NCALD: variants seen among roughly 807,000 people sequenced by gnomAD.
The protein encoded by NCALD is neurocalcin delta.
In NCALD, 10 loss-of-function variants were observed where a neutral mutation model predicts 18.6. The observed-to-expected ratio is 0.54, with a 90% CI of 0.33 to 0.91. The LOEUF (loss-of-function observed/expected upper bound fraction) is 0.91, where lower values mean the gene tolerates loss of function less well. NCALD is among the 40% of genes least tolerant of loss of function. The pLI is 0.03. For synonymous variants in NCALD, 88 were observed against 87.4 expected, an observed-to-expected ratio of 1.01 and a Z score of -0.04; for missense variants, 184 against 247.6, an observed-to-expected ratio of 0.74 and a Z score of 1.72.
chr8:101,753,690 C>T (rs1435037526), intron 1 of NCALD, among the ~76,000 whole-genome samples: 3 of 152,080 alleles, frequency 2.0e-5, no homozygotes, highest in African/African-American at 7.2e-5. Flanking sequence ...TCTTAAGACA[C>T]AAGGAAGGGA....
At chr8:101,695,957 T>C (rs1814969243) in intron 2 of NCALD, among the ~76,000 whole-genome samples, 1 of 152,200 alleles carries the variant, frequency 6.6e-6, no homozygotes, top group Non-Finnish European at 1.5e-5. Context: ...TTTATCCTTT[T>C]ATATGTTTTT....
At chr8:101,951,766 A>T (rs1364932951) in intron 2 of NCALD, among the ~76,000 whole-genome samples, 2 of 152,140 alleles carry the variant, frequency 1.3e-5, no homozygotes, top group Admixed American at 1.3e-4. Context: ...TCCACGATGG[A>T]TATCCATCCT....
rs1327622633 is a variant in NCALD, at chr8:102,001,715, C to A, written c.-157+18522G>T. ...CTACAAGCCAGAAGAGAGTGGGGGT[C>A]AATATTCGACATTCTTAAAGAAAAG... is the stretch of plus-strand genomic sequence containing the variant. On this transcript the variant is annotated intron_variant, in intron 2 of 6. Coordinates refer to the NCALD transcript ENST00000311028. Among the ~76,000 whole-genome samples, 5 of 152,132 alleles carry A rather than the reference C, an allele frequency of 3.3e-5. No homozygotes were observed. The East Asian group carries it at 7.7e-4, about 23-fold the overall frequency.
intron 3 of NCALD, among the ~76,000 whole-genome samples, chr8:101,913,354 G>T (rs1817867012): frequency 6.6e-6 from 1 of 152,122 alleles, no homozygotes; most frequent in Non-Finnish European, 1.5e-5. Flanking sequence ...CAGAAATCTA[G>T]CAGAATGCTT....
intron 4 of NCALD, among the ~76,000 whole-genome samples, chr8:101,867,011 A>G (rs1266679710): frequency 6.6e-6 from 1 of 151,842 alleles, no homozygotes; most frequent in Non-Finnish European, 1.5e-5. Flanking sequence ...ACCTTCTACT[A>G]TCCCCCATCT....
intron 1 of NCALD, among the ~76,000 whole-genome samples, chr8:102,050,051 G>A (rs201493784): frequency 2.7e-5 from 4 of 149,354 alleles, no homozygotes; most frequent in South Asian, 2.2e-4. Flanking sequence ...AGTCCCAGCT[G>A]CTCGGGAGGC....
At chr8:101,959,864 C>T (rs1819772375) in intron 2 of NCALD, among the ~76,000 whole-genome samples, 1 of 150,472 alleles carries the variant, frequency 6.6e-6, no homozygotes, top group African/African-American at 2.5e-5. Context: ...CCCACCCACC[C>T]TCCCTACTGC....
intron 1 of NCALD, among the ~76,000 whole-genome samples, chr8:101,721,922 G>A (rs1223500935): frequency 6.6e-6 from 1 of 150,754 alleles, no homozygotes; most frequent in African/African-American, 2.4e-5. Flanking sequence ...GCCCACTGCA[G>A]CCTCAAACTC....
chr8:101,908,623 C>T (rs1817689716), intron 3 of NCALD, among the ~76,000 whole-genome samples: 1 of 152,138 alleles, frequency 6.6e-6, no homozygotes, highest in African/African-American at 2.4e-5. Flanking sequence ...TCTACCCTTT[C>T]AATAATTCTA....
At chr8:101,997,849 T>C (rs1018188033) in intron 2 of NCALD, among the ~76,000 whole-genome samples, 1 of 152,200 alleles carries the variant, frequency 6.6e-6, no homozygotes, top group African/African-American at 2.4e-5. Flanking sequence ...ACAGTGGATG[T>C]TTTTCCCAGA....
At chr8:102,002,473 CAG>C (rs1213989677) in intron 2 of NCALD, among the ~76,000 whole-genome samples, 4 of 152,084 alleles carry the variant, frequency 2.6e-5, no homozygotes, top group Non-Finnish European at 5.9e-5. Flanking sequence ...ATCAATGAGA[CAG>C]AAAGTTAACA....
At chr8:101,798,701 T>C (rs6468798) in intron 4 of NCALD, among the ~76,000 whole-genome samples, 1 of 152,070 alleles carries the variant, frequency 6.6e-6, no homozygotes, top group African/African-American at 2.4e-5. Context: ...ATAGCTGAAA[T>C]AACTTTGAAA....
chr8:102,015,537 A>G (rs1822054290), intron 2 of NCALD, among the ~76,000 whole-genome samples: 2 of 152,228 alleles, frequency 1.3e-5, no homozygotes, highest in Admixed American at 1.3e-4. Context: ...GACTCTTAAA[A>G]AGTTGCAACA....
chr8:101,758,210 C>T (rs1178236647), intron 1 of NCALD, among the ~76,000 whole-genome samples: 1 of 152,132 alleles, frequency 6.6e-6, no homozygotes, highest in Non-Finnish European at 1.5e-5. Context: ...TGTAATCTGG[C>T]CCCAGCCTGC....
intron 4 of NCALD, among the ~76,000 whole-genome samples, chr8:101,799,124 G>C (rs1162594213): frequency 6.6e-6 from 1 of 151,930 alleles, no homozygotes; most frequent in African/African-American, 2.4e-5. Flanking sequence ...AATCCAACTA[G>C]AGAATAGACA....
At chr8:101,874,410 C>T (rs1039614401) in intron 4 of NCALD, among the ~76,000 whole-genome samples, 2 of 152,198 alleles carry the variant, frequency 1.3e-5, no homozygotes, top group African/African-American at 2.4e-5. Context: ...AGGATCCACA[C>T]TGGGAAGGGT....
At chr8:101,858,807 G>C (rs931154192) in intron 4 of NCALD, among the ~76,000 whole-genome samples, 2 of 152,116 alleles carry the variant, frequency 1.3e-5, no homozygotes, top group African/African-American at 4.8e-5. Flanking sequence ...GAGCTTGTTA[G>C]TATAGTGCAC....
Position 101,942,894 on chromosome 8 carries a change from T to A in NCALD, c.-156-27036A>T, listed in dbSNP as rs530679374. ...AGCTTCATCCAATTACCATCTCATA[T>A]TTAAAGATGAAGAAGTTAAGAGCCA... On this transcript the variant is annotated intron_variant, in intron 2 of 6. Transcript: ENST00000311028. 3.3e-5 allele frequency among the ~76,000 whole-genome samples: 5 copies of A among 152,314 alleles called. No homozygotes were observed. The East Asian group carries it at 9.6e-4, about 29-fold the overall frequency.
chr8:102,008,895 C>T (rs1821802982), intron 2 of NCALD, among the ~76,000 whole-genome samples: 2 of 147,030 alleles, frequency 1.4e-5, no homozygotes, highest in Non-Finnish European at 3.0e-5. Flanking sequence ...AGCTACCACC[C>T]CCACCTCCAC....
Sources: gnomAD v4.1 joint callset for allele counts (sites outside exome capture counted in the v4.1 genomes callset) on GRCh38, gnomAD v4.1.1 for gene constraint, MANE v1.5 for transcripts, NCBI Gene and HGNC (gene_info 2026-07-23, HGNC 2026-07-21) for gene names.